Variants in NEIL2 observed in about 807,000 individuals in gnomAD.
NEIL2 encodes the protein nei like DNA glycosylase 2, also known as endonuclease 8-like 2.
Under a neutral mutation model 22.2 loss-of-function variants are expected in NEIL2, and 23 were observed. That is an observed-to-expected ratio of 1.04 (90% CI 0.75 to 1.47). The LOEUF is 1.47. Among genes scored for constraint, NEIL2 ranks in the 40% most tolerant of loss-of-function variants. The pLI, the probability that NEIL2 is intolerant of heterozygous loss-of-function variation, is 0.00. For missense variants in NEIL2, 583 were observed against 404.7 expected (o/e 1.44, Z -3.78); for synonymous variants, 229 against 164.8 (o/e 1.39, Z -2.99).
chr8:11,772,058 C>A (rs1047270179), intron 2 of NEIL2, among the ~76,000 whole-genome samples: 1 of 152,074 alleles, frequency 6.6e-6, no homozygotes, highest in Non-Finnish European at 1.5e-5. Flanking sequence ...CAAAAATTGG[C>A]TGGGTGTGGT....
chr8:11,783,141 A>G (rs1237750750), intron 3 of NEIL2, 62 bp from the exon 4 acceptor site: 1 of 1,457,334 alleles, frequency 6.9e-7, no homozygotes. Context: ...ACCCAGCCAC[A>G]GGGTGTGCTC....
At chr8:11,783,133 C>A in intron 3 of NEIL2, 70 bp from the exon 4 acceptor site, 10 of 1,380,170 alleles carry the variant, frequency 7.2e-6, no homozygotes, top group Non-Finnish European at 1.0e-5. Context: ...TGTGTATGAC[C>A]CAGCCACAGG....
At chr8:11,771,716 C>A in intron 2 of NEIL2, 131 bp downstream of exon 2, 1 of 879,670 alleles carries the variant, frequency 1.1e-6, no homozygotes, top group Non-Finnish European at 1.7e-6. Context: ...CATGCAGCTC[C>A]CTCTTTCAGT....
chr8:11,783,391 C>G lies in NEIL2; in HGVS notation c.680C>G (p.Ser227Ter), dbSNP rs1804618807. 1 of 1,613,970 alleles carries G rather than the reference C, an allele frequency of 6.2e-7. No individual in the cohort carries two copies. Among genetic ancestry groups the G allele is most frequent in the African/African-American group, 1.3e-5 (1 of 75,044 alleles). ...ACACTGCTGGACCAGAGATACTTCTCAGGGCTAGGTATGACTCATGGGAAA... is the reference window on the plus strand; with the variant it reads ...ACACTGCTGGACCAGAGATACTTCTGAGGGCTAGGTATGACTCATGGGAAA... ...CYTLLDQRYF[S>*]GLGNIIKNEA... is the part of the protein sequence containing the mutation. Residue 227 changes from serine to a stop codon, truncating the protein, a stop_gained, in exon 4 of 5, where the codon TCA becomes TGA. Coordinates refer to ENST00000284503, the MANE Select transcript of NEIL2 (RefSeq NM_145043.4). LOFTEE classifies it low-confidence loss of function (END_TRUNC).
intron 2 of NEIL2, among the ~76,000 whole-genome samples, chr8:11,774,721 G>A (rs1378465438): frequency 2.6e-5 from 4 of 152,216 alleles, no homozygotes; most frequent in Non-Finnish European, 4.4e-5. Context: ...GATACAATGG[G>A]GGTACAGGCA....
chr8:11,784,097 C>T (rs1423059677), intron 4 of NEIL2, among the ~76,000 whole-genome samples: 1 of 152,200 alleles, frequency 6.6e-6, no homozygotes, highest in Non-Finnish European at 1.5e-5. Flanking sequence ...AGCAATCAGG[C>T]AGGTTGGTGG....
chr8:11,773,141 T>G (rs1803616932), intron 2 of NEIL2, among the ~76,000 whole-genome samples: 1 of 152,146 alleles, frequency 6.6e-6, no homozygotes, highest in Non-Finnish European at 1.5e-5. Context: ...CTTCGAGGTT[T>G]GCAGGGGCAG....
chr8:11,784,172 C>T (rs888738587), intron 4 of NEIL2, among the ~76,000 whole-genome samples: 5 of 152,142 alleles, frequency 3.3e-5, no homozygotes, highest in Admixed American at 2.0e-4. Flanking sequence ...TCACGAGGGT[C>T]GGAGGAGGCC....
rs748664792 is a variant in NEIL2 at position 11,787,133 on chromosome 8, G to C, written c.*860G>C. Reference sequence around the variant, plus strand: ...CTTCTGCTGGATACAGGCACCAAGAGGCGGTCGTGGAGCAGGGAGCTGCGC... The same window carrying C: ...CTTCTGCTGGATACAGGCACCAAGACGCGGTCGTGGAGCAGGGAGCTGCGC... On this transcript the variant is annotated 3_prime_UTR_variant, in exon 5 of 5. Transcript: ENST00000284503. 6.5e-6 allele frequency: 1 copy of C among 153,090 alleles called. No individual in the cohort carries two copies. Among genetic ancestry groups the C allele is most frequent in the Admixed American group, 6.5e-5 (1 of 15,298 alleles). 9.5% of individuals were successfully genotyped at this position (153,090 alleles called of 1,614,324 possible).
intron 3 of NEIL2, 137 bp downstream of exon 3, chr8:11,780,087 A>G (rs1804280202): frequency 2.9e-6 from 2 of 684,968 alleles, no homozygotes; most frequent in African/African-American, 1.8e-5. Context: ...TTGGGGAGAG[A>G]GGCCACCTCT....
In NEIL2 at chr8:11,771,489, C is replaced by T; in HGVS notation, c.42C>T (p.Val14=). 6.2e-7 allele frequency: 1 copy of T among 1,614,100 alleles called. No individual in the cohort carries two copies. Among genetic ancestry groups the T allele is most frequent in the East Asian group, 2.2e-5 (1 of 44,876 alleles). The stretch of plus-strand genomic sequence containing the variant: ...TGGTGAGGAAATTTCACCATTTGGT[C>T]TCCCCCTTTGTGGGTCAGCAGGTGG... The part of the protein sequence containing the change: ...GPLVRKFHHL[V]SPFVGQQVVK... The change falls in exon 2 of 5, where the codon GTC becomes GTT. Residue 14 remains valine, a synonymous_variant. Coordinates refer to ENST00000284503, the MANE Select transcript of NEIL2 (RefSeq NM_145043.4).
At chr8:11,770,472 G>A (rs1325568961) in intron 1 of NEIL2, 137 bp downstream of exon 1, 1 of 152,186 alleles carries the variant, frequency 6.6e-6, no homozygotes, top group Non-Finnish European at 1.5e-5. Flanking sequence ...GCGCGTTATT[G>A]AATGTGCTGC....
rs1318385931 is a variant in NEIL2 at position 11,770,083 on chromosome 8, T to A, written c.-255T>A. On this transcript the variant is annotated 5_prime_UTR_variant, in exon 1 of 5. Coordinates refer to ENST00000284503, the MANE Select transcript of NEIL2 (RefSeq NM_145043.4). ...GGCTGGCGCAGCGCCAGCCTCGAGCTCCTCGGTAGCCCCCGGGCAGGGAGG... is the reference window on the plus strand; with the variant it reads ...GGCTGGCGCAGCGCCAGCCTCGAGCACCTCGGTAGCCCCCGGGCAGGGAGG... The A allele has an allele frequency of 6.6e-6, 1 of 151,918 alleles. No homozygotes were observed. The highest frequency in any genetic ancestry group is 2.1e-4 in the South Asian group (1 of 4,810). The allele number at this position is 151,918 out of a possible 1,614,324, so 9.4% of individuals were successfully genotyped here.
chr8:11,778,672 C>G (rs1448852089), intron 2 of NEIL2, among the ~76,000 whole-genome samples: 1 of 151,900 alleles, frequency 6.6e-6, no homozygotes, highest in Non-Finnish European at 1.5e-5. Context: ...AAGCAAGGGC[C>G]CAGGCATGGT....
In NEIL2 at chr8:11,786,300, C is replaced by G; in HGVS notation, c.*27C>G. The G allele has an allele frequency of 1.3e-6, 2 of 1,590,304 alleles. No individual in the cohort carries two copies. The highest frequency in any genetic ancestry group is 1.7e-6 in the Non-Finnish European group (2 of 1,171,140). On this transcript the variant is annotated 3_prime_UTR_variant, in exon 5 of 5. Coordinates refer to ENST00000284503, the MANE Select transcript of NEIL2 (RefSeq NM_145043.4). ...GAGCTGGTGGTGCTCCTCACGGAAC[C>G]TTGCCGCTTGGGGAACCTGACGTCT...
At chr8:11,779,339 T>C (rs954057410) in intron 2 of NEIL2, among the ~76,000 whole-genome samples, 1 of 152,230 alleles carries the variant, frequency 6.6e-6, no homozygotes, top group African/African-American at 2.4e-5. Flanking sequence ...CCTTCAGGTA[T>C]TCCAGGGTGG....
intron 2 of NEIL2, among the ~76,000 whole-genome samples, chr8:11,774,354 C>T (rs935664405): frequency 1.3e-5 from 2 of 152,126 alleles, no homozygotes; most frequent in African/African-American, 2.4e-5. Context: ...GCCTCAGCAA[C>T]AGAGTGAGAC....
chr8:11,786,000 G>A lies in NEIL2; in HGVS notation c.726G>A (p.Gly242=), dbSNP rs1268222293. ...AGAATGAAGCCTTGTACAGAGCTGG[G>A]ATCCATCCCCTTTCTCTCGGTTCAG... ...IIKNEALYRA[G]IHPLSLGSVL... is the part of the protein sequence containing the mutation. The change falls in exon 5 of 5, where the codon GGG becomes GGA. Residue 242 remains glycine (G), a synonymous_variant. Coordinates refer to ENST00000284503, the MANE Select transcript of NEIL2 (RefSeq NM_145043.4). The A allele has an allele frequency of 1.9e-6, 3 of 1,613,976 alleles. No individual in the cohort carries two copies. Among genetic ancestry groups the A allele is most frequent in the Admixed American group, 3.3e-5 (2 of 60,008 alleles).
chr8:11,777,772 T>C (rs1804041099), intron 2 of NEIL2, among the ~76,000 whole-genome samples: 1 of 152,244 alleles, frequency 6.6e-6, no homozygotes, highest in Non-Finnish European at 1.5e-5. Flanking sequence ...GCATAATTTA[T>C]AAGCAATGTA....
Sources: allele counts gnomAD v4.1 joint callset (sites outside exome capture counted in the v4.1 genomes callset), GRCh38; gene constraint gnomAD v4.1.1; transcripts MANE v1.5; gene names NCBI Gene and HGNC (gene_info 2026-07-23, HGNC 2026-07-21).